Variants in ABI1 observed in about 807,000 individuals in gnomAD.
The protein encoded by ABI1 is Abelson interactor 1.
Under a neutral mutation model 54.6 loss-of-function variants are expected in ABI1, and 14 were observed. The observed-to-expected ratio is 0.26, with a 90% CI of 0.17 to 0.40. The LOEUF (loss-of-function observed/expected upper bound fraction) is 0.40, where lower values mean the gene tolerates loss of function less well. Among genes scored for constraint, ABI1 ranks in the 10% least tolerant of loss-of-function variants. ABI1 has a pLI of 1.00. For missense variants in ABI1, 443 were observed against 598.3 expected, an observed-to-expected ratio of 0.74 and a Z score of 2.71; for synonymous variants, 194 against 209.3, an observed-to-expected ratio of 0.93 and a Z score of 0.63.
rs370875442 is a variant in ABI1, at chr10:26,853,312, T to TAAA, written c.117+7432_117+7434dup. ...TCTCAACAATGCCCTTTTTTTTTTT[T>TAAA]AAAAAAAATCCCTTTTTTCTAACAT... On this transcript the variant is annotated intron_variant, in intron 1 of 10. Transcript: ENST00000376140. Among the ~76,000 whole-genome samples the TAAA allele has an allele frequency of 2.3e-3, 333 of 143,068 alleles. 2 individuals carry two copies. Among genetic ancestry groups the TAAA allele is most frequent in the South Asian group, 0.019 (86 of 4,578 alleles). The allele number at this position is 143,068 out of a possible 152,430, so 93.9% of individuals were successfully genotyped here.
In ABI1 at chr10:26,771,084, T is replaced by C; in HGVS notation, c.468A>G (p.Leu156=). Residue 156 remains leucine, a synonymous_variant, in exon 4 of 11, where the codon CTA becomes CTG. Coordinates refer to ENST00000376140, the MANE Select transcript of ABI1 (RefSeq NM_001012750.3). The stretch of plus-strand genomic sequence containing the variant: ...AAGTAATGGCTCTTACCTTGGCTTT[T>C]AGCCACTTTACGTTGGCAAAAAAAG... ...LDDVGHGVKW[L]KAKHGNNQPA... is the part of the protein sequence containing the mutation. The C allele has an allele frequency of 6.2e-7, 1 of 1,613,732 alleles. No individual in the cohort carries two copies. Among genetic ancestry groups the C allele is most frequent in the Non-Finnish European group, 8.5e-7 (1 of 1,179,762 alleles).
chr10:26,774,247 A>G (rs1302318040), intron 3 of ABI1, among the ~76,000 whole-genome samples: 3 of 152,044 alleles, frequency 2.0e-5, no homozygotes, highest in Non-Finnish European at 4.4e-5. Flanking sequence ...TTGTCCTCGT[A>G]TTTTTTACTT....
intron 2 of ABI1, among the ~76,000 whole-genome samples, chr10:26,793,146 C>G (rs1843689175): frequency 6.6e-6 from 1 of 152,108 alleles, no homozygotes; most frequent in African/African-American, 2.4e-5. Flanking sequence ...AAAATAACTA[C>G]AGAATGAAAA....
chr10:26,821,799 C>CAA (rs375448180), intron 2 of ABI1, among the ~76,000 whole-genome samples: 92 of 80,114 alleles, frequency 1.1e-3, no homozygotes, highest in African/African-American at 3.0e-3. Context: ...ACTCTTGTCT[C>CAA]AAAAAAAAAA....
At chr10:26,768,214 G>A (rs1840198977) in intron 6 of ABI1, among the ~76,000 whole-genome samples, 1 of 151,886 alleles carries the variant, frequency 6.6e-6, no homozygotes, top group African/African-American at 2.4e-5. Context: ...AAAAGTATTT[G>A]AGTGGTTTGC....
At chr10:26,759,541 A>G (rs16927324) in intron 7 of ABI1, among the ~76,000 whole-genome samples, 44,489 of 151,954 alleles carry the variant, frequency 0.29, 6,844 homozygotes, top group African/African-American at 0.36. Flanking sequence ...TTTTTTGTGC[A>G]TTTTCAAATA....
intron 1 of ABI1, among the ~76,000 whole-genome samples, chr10:26,854,514 A>C (rs1466824925): frequency 6.6e-6 from 1 of 152,144 alleles, no homozygotes; most frequent in African/African-American, 2.4e-5. Context: ...ATCCTGCTCT[A>C]CCCAGCCCTG....
intron 2 of ABI1, among the ~76,000 whole-genome samples, chr10:26,779,496 A>C (rs570105438): frequency 2.0e-5 from 3 of 152,348 alleles, no homozygotes; most frequent in African/African-American, 7.2e-5. Context: ...ACAGGGGCAC[A>C]TAAGGTTCTG....
At chr10:26,848,344 T>C (rs1461858389) in intron 1 of ABI1, among the ~76,000 whole-genome samples, 2 of 152,022 alleles carry the variant, frequency 1.3e-5, no homozygotes, top group African/African-American at 4.8e-5. Flanking sequence ...GAATGATTGT[T>C]ATATCATTTT....
chr10:26,791,068 C>CAAAAAAA (rs369738380), intron 2 of ABI1, among the ~76,000 whole-genome samples: 2 of 59,124 alleles, frequency 3.4e-5, no homozygotes, highest in East Asian at 5.8e-4. Flanking sequence ...GATTCCGTCT[C>CAAAAAAA]AAAAAAAAAA....
chr10:26,767,021 C>T (rs956037428), intron 6 of ABI1, among the ~76,000 whole-genome samples: 2 of 152,078 alleles, frequency 1.3e-5, no homozygotes, highest in African/African-American at 4.8e-5. Context: ...GACAATCTGG[C>T]CCTTTATAGA....
rs1839780394 is a variant in ABI1 at position 26,765,206 on chromosome 10, TA to T, written c.820+11del. 5 of 1,572,084 alleles carry T rather than the reference TA, an allele frequency of 3.2e-6. No homozygotes were observed. In the East Asian group the frequency reaches 1.1e-4, roughly 36 times the overall value. ...TTATCATGTATTAAACATAGATTAA[TA>T]AATAACACACCTGGTCCAATAGTGG... On this transcript the variant is annotated intron_variant, in intron 7 of 10. Coordinates refer to ENST00000376140, the MANE Select transcript of ABI1 (RefSeq NM_001012750.3).
intron 1 of ABI1, chr10:26,839,908 G>C: frequency 3.3e-6 from 2 of 604,076 alleles, no homozygotes; most frequent in South Asian, 4.1e-5. Flanking sequence ...GGGAACTGCT[G>C]GAACCCAGGA....
At chr10:26,770,928 A>C (rs1251955112) in intron 4 of ABI1, 147 bp downstream of exon 4, 7 of 771,514 alleles carry the variant, frequency 9.1e-6, no homozygotes, top group Non-Finnish European at 1.3e-5. Flanking sequence ...TGCTTATTTG[A>C]ACTGAACTTG....
chr10:26,817,304 T>C (rs1339727106), intron 2 of ABI1, among the ~76,000 whole-genome samples: 2 of 152,140 alleles, frequency 1.3e-5, no homozygotes, highest in African/African-American at 4.8e-5. Context: ...AAGAGATTTA[T>C]TTTAATTCAG....
At chr10:26,758,889 A>G (rs563551868) in intron 8 of ABI1, among the ~76,000 whole-genome samples, 173 bp downstream of exon 8, 1 of 152,358 alleles carries the variant, frequency 6.6e-6, no homozygotes, top group South Asian at 2.1e-4. Flanking sequence ...AGAAAGTGGT[A>G]AACAATTACT....
intron 9 of ABI1, among the ~76,000 whole-genome samples, chr10:26,752,618 CAAAA>C (rs950870003): frequency 8.6e-5 from 13 of 151,428 alleles, no homozygotes; most frequent in African/African-American, 3.1e-4. Context: ...AAAAAACAAA[CAAAA>C]AGGAACTTAC....
intron 2 of ABI1, among the ~76,000 whole-genome samples, chr10:26,787,983 T>TA (rs1842915827): frequency 6.6e-6 from 1 of 152,240 alleles, no homozygotes. Context: ...TCATTTTGCT[T>TA]ATGATAAGGT....
At chr10:26,824,773 G>C (rs1303663655) in intron 1 of ABI1, among the ~76,000 whole-genome samples, 1 of 151,994 alleles carries the variant, frequency 6.6e-6, no homozygotes, top group East Asian at 1.9e-4. Flanking sequence ...ATGGACAGTA[G>C]ATAGAATCCC....
Sources: allele counts gnomAD v4.1 joint callset (sites outside exome capture counted in the v4.1 genomes callset), GRCh38; gene constraint gnomAD v4.1.1; transcripts MANE v1.5; gene names NCBI Gene and HGNC (gene_info 2026-07-23, HGNC 2026-07-21).